Variants in HYDIN observed in about 807,000 individuals in gnomAD.
HYDIN encodes axonemal central pair apparatus protein HYDIN.
A neutral mutation model predicts 403.9 loss-of-function variants in HYDIN; 132 were observed. The observed-to-expected ratio is 0.33, with a 90% CI of 0.28 to 0.38. HYDIN has a LOEUF of 0.38. Among genes scored for constraint, HYDIN ranks in the 10% least tolerant of loss-of-function variants. The pLI, the probability that HYDIN is intolerant of heterozygous loss-of-function variation, is 1.00. For missense variants in HYDIN, 2,827 were observed against 5,009.5 expected, an observed-to-expected ratio of 0.56 and a Z score of 13.15; for synonymous variants, 1,202 against 1,891.7, an observed-to-expected ratio of 0.64 and a Z score of 9.46.
intron 19 of HYDIN, among the ~76,000 whole-genome samples, chr16:71,031,186 C>T (rs1413051417): frequency 8.6e-6 from 1 of 116,248 alleles, no homozygotes; most frequent in African/African-American, 3.5e-5. Context: ...GGCCACAGAG[C>T]AAGACTCCAT....
At chr16:71,201,149 A>G (rs376932830) in intron 1 of HYDIN, among the ~76,000 whole-genome samples, 4 of 152,260 alleles carry the variant, frequency 2.6e-5, no homozygotes, top group East Asian at 1.9e-4. Flanking sequence ...CACTTTTCAC[A>G]TAAGATATAA....
intron 21 of HYDIN, among the ~76,000 whole-genome samples, chr16:71,021,287 G>C (rs1286183303): frequency 6.6e-6 from 1 of 150,950 alleles, no homozygotes; most frequent in East Asian, 1.9e-4. Flanking sequence ...TGTGATCTCA[G>C]CTCACTGCAA....
At chr16:71,129,570 G>C in intron 9 of HYDIN, 70 bp downstream of exon 9, 1 of 1,419,396 alleles carries the variant, frequency 7.0e-7, no homozygotes, top group Non-Finnish European at 9.5e-7. Context: ...CCAAGTGAGC[G>C]CTCTTATCAA....
chr16:71,145,549 T>C (rs965704321), intron 7 of HYDIN, among the ~76,000 whole-genome samples: 4 of 152,114 alleles, frequency 2.6e-5, no homozygotes, highest in African/African-American at 9.7e-5. Context: ...GGCTGAATGA[T>C]TAAATTTTAA....
chr16:71,200,166 A>T (rs1005555285), intron 1 of HYDIN, among the ~76,000 whole-genome samples: 4 of 152,226 alleles, frequency 2.6e-5, no homozygotes, highest in Admixed American at 1.3e-4. Context: ...AAGGGGAGGC[A>T]TGAATAATCT....
intron 5 of HYDIN, among the ~76,000 whole-genome samples, chr16:71,167,813 G>C (rs1306274625): frequency 6.6e-6 from 1 of 152,048 alleles, no homozygotes; most frequent in East Asian, 1.9e-4. Context: ...TATGACTAGG[G>C]AGGCTCCGAT....
chr16:70,928,384 G>C (rs1213045583), intron 45 of HYDIN, among the ~76,000 whole-genome samples: 2 of 152,310 alleles, frequency 1.3e-5, no homozygotes, highest in Non-Finnish European at 2.9e-5. Flanking sequence ...TGAGCCTGGG[G>C]GAGATCAAGG....
Position 70,868,698 on chromosome 16 carries a change from A to C in HYDIN, c.11182T>G (p.Cys3728Gly). 6.2e-7 allele frequency: 1 copy of C among 1,614,084 alleles called. No homozygotes were observed. The highest frequency in any genetic ancestry group is 8.5e-7 in the Non-Finnish European group (1 of 1,180,012). The change falls in exon 66 of 86, where the codon TGC (cysteine) becomes GGC (glycine). Residue 3728 changes from cysteine (C) to glycine (G), a missense_variant. Transcript: ENST00000393567. Reference sequence around the variant, plus strand: ...TGAAACATAATCCTGGAGAGCTTGCACCTGATCCGCATATTCTTTAGGTTG... The same window carrying C: ...TGAAACATAATCCTGGAGAGCTTGCCCCTGATCCGCATATTCTTTAGGTTG... Reference protein sequence around the residue: ...PINLKNMRIRCKLSRIMFQLP... With the variant: ...PINLKNMRIRGKLSRIMFQLP...
intron 60 of HYDIN, among the ~76,000 whole-genome samples, chr16:70,882,016 G>T (rs1041865072): frequency 6.6e-6 from 1 of 152,238 alleles, no homozygotes; most frequent in Non-Finnish European, 1.5e-5. Context: ...AGGCAGTTTC[G>T]AGCCTGGCAG....
chr16:70,863,041 G>A (rs1254780745), intron 68 of HYDIN, 44 bp downstream of exon 68: 2 of 1,580,404 alleles, frequency 1.3e-6, no homozygotes, highest in South Asian at 2.2e-5. Context: ...CTTCTAATTG[G>A]TGACTCAGGC....
chr16:71,177,727 T>C (rs1021045235), intron 4 of HYDIN, among the ~76,000 whole-genome samples: 4 of 152,218 alleles, frequency 2.6e-5, no homozygotes, highest in Non-Finnish European at 4.4e-5. Flanking sequence ...CTTGTCTTTA[T>C]ACCCAGATTT....
chr16:71,114,280 T>C (rs1377876329), intron 10 of HYDIN, among the ~76,000 whole-genome samples: 1 of 151,358 alleles, frequency 6.6e-6, no homozygotes, highest in African/African-American at 2.4e-5. Flanking sequence ...TTAAATGGAT[T>C]CACAGATTCC....
intron 18 of HYDIN, among the ~76,000 whole-genome samples, chr16:71,038,878 C>CT (rs2081190014): frequency 6.6e-6 from 1 of 151,324 alleles, no homozygotes; most frequent in South Asian, 2.1e-4. Flanking sequence ...AGGCTGATCT[C>CT]TAACTCCTGA....
intron 23 of HYDIN, among the ~76,000 whole-genome samples, chr16:71,004,479 T>C (rs2079832067): frequency 6.6e-6 from 1 of 152,214 alleles, no homozygotes; most frequent in Non-Finnish European, 1.5e-5. Context: ...GAGATGATCA[T>C]ATGTTTTTTC....
At chr16:70,942,420 G>A (rs557577411) in intron 42 of HYDIN, among the ~76,000 whole-genome samples, 51 of 152,140 alleles carry the variant, frequency 3.4e-4, no homozygotes, top group African/African-American at 1.1e-3. Context: ...AGATCCATGA[G>A]GTACACAAAA....
intron 45 of HYDIN, among the ~76,000 whole-genome samples, chr16:70,928,349 G>A (rs1798408): frequency 0.16 from 21,278 of 130,376 alleles, no homozygotes; most frequent in East Asian, 0.18. Flanking sequence ...CCAGCTACTC[G>A]GGAGGCTGAG....
chr16:71,067,328 G>A lies in HYDIN; in HGVS notation c.2037C>T (p.Gly679=), dbSNP rs375032304. 14 of 1,613,038 alleles carry A rather than the reference G, an allele frequency of 8.7e-6. No individual in the cohort carries two copies. The highest frequency in any genetic ancestry group is 1.7e-6 in the Non-Finnish European group (2 of 1,179,516). ...AGAGCGCCAGCACCTCTTCTCCGATGCCCTCCACGTCCACCACGAGTGCCA... is the reference window on the plus strand; with the variant it reads ...AGAGCGCCAGCACCTCTTCTCCGATACCCTCCACGTCCACCACGAGTGCCA... ...YELALVVDVE[G]IGEEVLALLI... is the part of the protein sequence containing the mutation. Residue 679 remains glycine (G), a synonymous_variant, in exon 15 of 86, where the codon GGC becomes GGT. Transcript: ENST00000393567.
chr16:70,958,655 G>A (rs954658463), intron 39 of HYDIN, among the ~76,000 whole-genome samples: 7 of 152,024 alleles, frequency 4.6e-5, no homozygotes, highest in Non-Finnish European at 2.9e-5. Flanking sequence ...CTACTTTTTA[G>A]GTCCTGATTT....
At chr16:71,107,906 C>G (rs1395540050) in intron 10 of HYDIN, among the ~76,000 whole-genome samples, 1 of 151,962 alleles carries the variant, frequency 6.6e-6, no homozygotes, top group Non-Finnish European at 1.5e-5. Flanking sequence ...ATAGCAAAGA[C>G]GGAATCAACT....
Sources: allele counts gnomAD v4.1 joint callset (sites outside exome capture counted in the v4.1 genomes callset), GRCh38; gene constraint gnomAD v4.1.1; transcripts MANE v1.5; gene names NCBI Gene and HGNC (gene_info 2026-07-23, HGNC 2026-07-21).